HIVEP3: variants seen among roughly 807,000 people sequenced by gnomAD.
HIVEP3 encodes transcription factor HIVEP3.
In HIVEP3, 49 loss-of-function variants were observed where a neutral mutation model predicts 152.8. The ratio of observed to expected loss-of-function variants is 0.32; its 90% CI spans 0.26 to 0.41. The LOEUF (loss-of-function observed/expected upper bound fraction) is 0.41. Among genes scored for constraint, HIVEP3 ranks in the 10% least tolerant of loss-of-function variants. The probability of loss-of-function intolerance (pLI) is 1.00; values close to 1 mark genes in which losing one functional copy is unlikely to be tolerated. For synonymous variants in HIVEP3, 1,269 were observed against 1,289.0 expected (o/e 0.98, Z 0.33); for missense variants, 2,790 against 3,103.3 (o/e 0.90, Z 2.40).
chr1:41,642,747 G>A (rs1315629808), intron 2 of HIVEP3, among the ~76,000 whole-genome samples: 7 of 152,190 alleles, frequency 4.6e-5, no homozygotes, highest in Non-Finnish European at 7.3e-5. Context: ...CCCGTCGACA[G>A]GGAAAGCTAT....
At chr1:42,012,504 A>C (rs1320495719) in intron 1 of HIVEP3, among the ~76,000 whole-genome samples, 1 of 152,136 alleles carries the variant, frequency 6.6e-6, no homozygotes, top group Non-Finnish European at 1.5e-5. Context: ...CAGCCTCACC[A>C]ACGTGGTGAA....
chr1:41,623,742 C>T (rs894501868), intron 3 of HIVEP3, among the ~76,000 whole-genome samples: 2 of 152,222 alleles, frequency 1.3e-5, no homozygotes, highest in African/African-American at 2.4e-5. Flanking sequence ...AACCCCACGC[C>T]GGTCTCTCAC....
intron 2 of HIVEP3, among the ~76,000 whole-genome samples, chr1:41,680,721 T>TG (rs1646025563): frequency 6.6e-6 from 1 of 152,264 alleles, no homozygotes; most frequent in Non-Finnish European, 1.5e-5. Context: ...GAAGCAGCTC[T>TG]GGCGATCTGC....
chr1:41,615,815 CTTTTTTTT>C (rs747478470), intron 3 of HIVEP3, among the ~76,000 whole-genome samples: 2 of 47,022 alleles, frequency 4.3e-5, no homozygotes, highest in East Asian at 8.5e-4. Flanking sequence ...TTTGACAAGT[CTTTTTTTT>C]TTTTTTTTTT....
chr1:41,765,754 T>G (rs957316171), intron 1 of HIVEP3, among the ~76,000 whole-genome samples: 1 of 152,178 alleles, frequency 6.6e-6, no homozygotes, highest in South Asian at 2.1e-4. Context: ...AGGTGCTCAA[T>G]AATGTCACCC....
intron 1 of HIVEP3, among the ~76,000 whole-genome samples, chr1:41,984,314 C>A (rs1261712282): frequency 1.3e-5 from 2 of 152,000 alleles, no homozygotes; most frequent in South Asian, 2.1e-4. Flanking sequence ...CTGGATAGAA[C>A]TTTTCTTGAG....
At chr1:41,811,896 G>GA (rs917438437) in intron 1 of HIVEP3, among the ~76,000 whole-genome samples, 40 of 150,460 alleles carry the variant, frequency 2.7e-4, no homozygotes, top group African/African-American at 8.3e-4. Context: ...TTTACAACTG[G>GA]AAAAAAAAAT....
intron 1 of HIVEP3, among the ~76,000 whole-genome samples, chr1:41,766,924 A>C (rs997504292): frequency 6.6e-6 from 1 of 152,152 alleles, no homozygotes; most frequent in Non-Finnish European, 1.5e-5. Context: ...TGCCCCAACC[A>C]ACCCCGCAGG....
chr1:42,017,430 A>G (rs1188738059), intron 1 of HIVEP3, among the ~76,000 whole-genome samples: 3 of 152,082 alleles, frequency 2.0e-5, no homozygotes, highest in Non-Finnish European at 4.4e-5. Flanking sequence ...GAAACCAAAT[A>G]TGACTCACAC....
chr1:41,701,178 G>A (rs1296709650), intron 1 of HIVEP3, among the ~76,000 whole-genome samples, 183 bp from the exon 2 acceptor site: 2 of 152,174 alleles, frequency 1.3e-5, no homozygotes, highest in Non-Finnish European at 2.9e-5. Context: ...TGAAACCACA[G>A]CCTCAAAACC....
At chr1:41,762,785 G>A (rs1647779004) in intron 1 of HIVEP3, among the ~76,000 whole-genome samples, 3 of 152,376 alleles carry the variant, frequency 2.0e-5, no homozygotes, top group Middle Eastern at 6.8e-3. Context: ...TGGTTTGAGT[G>A]AGCAGGGGCA....
chr1:41,851,499 C>T lies in HIVEP3; in HGVS notation c.-801+66914G>A, dbSNP rs189992141. Among the ~76,000 whole-genome samples, 30 of 152,068 alleles carry T rather than the reference C, an allele frequency of 2.0e-4. 1 individual carries two copies. The East Asian group carries it at 5.6e-3, about 28-fold the overall frequency. The stretch of plus-strand genomic sequence containing the variant: ...TGTATTTTTAGTAGAGACAAGGTTT[C>T]ACCATGTTAGCCAGGATGGTCTCAA... On this transcript the variant is annotated intron_variant, in intron 1 of 8. Transcript: ENST00000372583.
intron 5 of HIVEP3, chr1:41,543,507 C>T (rs1342548154): frequency 6.6e-6 from 1 of 152,224 alleles, no homozygotes; most frequent in Non-Finnish European, 1.5e-5. Flanking sequence ...TTCCCAGTCA[C>T]ATGTGGGTAA....
chr1:41,744,736 C>T (rs1191886666), intron 1 of HIVEP3, among the ~76,000 whole-genome samples: 1 of 152,214 alleles, frequency 6.6e-6, no homozygotes, highest in Non-Finnish European at 1.5e-5. Flanking sequence ...TCTCATGGAA[C>T]TTACATTCCA....
chr1:41,989,064 G>C (rs1645341192), intron 1 of HIVEP3, among the ~76,000 whole-genome samples: 1 of 152,116 alleles, frequency 6.6e-6, no homozygotes, highest in Admixed American at 6.6e-5. Context: ...AGAGGATAGT[G>C]GGGGATGGGT....
chr1:41,636,726 A>T (rs531480103), intron 2 of HIVEP3, among the ~76,000 whole-genome samples: 48 of 152,364 alleles, frequency 3.2e-4, no homozygotes, highest in African/African-American at 1.1e-3. Context: ...GAATATATTT[A>T]AAAATGTGGA....
At chr1:41,988,930 C>G (rs1645340365) in intron 1 of HIVEP3, among the ~76,000 whole-genome samples, 1 of 151,824 alleles carries the variant, frequency 6.6e-6, no homozygotes, top group African/African-American at 2.4e-5. Flanking sequence ...CACAGATGAA[C>G]CTAAAGAATA....
chr1:41,991,222 T>A (rs1029149230), intron 1 of HIVEP3, among the ~76,000 whole-genome samples: 1 of 152,126 alleles, frequency 6.6e-6, no homozygotes, highest in Non-Finnish European at 1.5e-5. Flanking sequence ...AGCTGGTTTT[T>A]TGAAAGGATC....
At chr1:41,832,369 A>T (rs1028283081) in intron 1 of HIVEP3, among the ~76,000 whole-genome samples, 4 of 152,036 alleles carry the variant, frequency 2.6e-5, no homozygotes, top group South Asian at 2.1e-4. Flanking sequence ...CTCTACAAAA[A>T]TTTTTTAAAA....
Sources: gnomAD v4.1 joint callset for allele counts (sites outside exome capture counted in the v4.1 genomes callset) on GRCh38, gnomAD v4.1.1 for gene constraint, MANE v1.5 for transcripts, NCBI Gene and HGNC (gene_info 2026-07-23, HGNC 2026-07-21) for gene names.